The following XIRP2 variants were observed in gnomAD, a reference collection of about 807,000 sequenced individuals.
The protein encoded by XIRP2 is xin actin-binding repeat-containing protein 2.
In XIRP2, 236 loss-of-function variants were observed where a neutral mutation model predicts 277.0. The observed-to-expected ratio is 0.85, with a 90% CI of 0.77 to 0.95. The LOEUF (loss-of-function observed/expected upper bound fraction) is 0.95, where lower values mean the gene tolerates loss of function less well. XIRP2 is among the 40% of genes least tolerant of loss of function. The pLI is 0.00. For synonymous variants in XIRP2, 1,490 were observed against 1,416.5 expected (o/e 1.05, Z -1.17); for missense variants, 4,640 against 4,157.5 (o/e 1.12, Z -3.19).
intron 3 of XIRP2, among the ~76,000 whole-genome samples, chr2:167,177,384 T>G (rs1692877166): frequency 6.6e-6 from 1 of 152,340 alleles, no homozygotes; most frequent in African/African-American, 2.4e-5. Context: ...ATTTTAAGAA[T>G]GTTTTCTGTT....
chr2:166,904,214 G>A (rs1684460274), intron 2 of XIRP2, among the ~76,000 whole-genome samples: 1 of 152,090 alleles, frequency 6.6e-6, no homozygotes, highest in Non-Finnish European at 1.5e-5. Flanking sequence ...ACCACTCTTT[G>A]TGCCTCAAAC....
rs189214956 is a variant in XIRP2, at chr2:166,951,493, C to T, written c.408+47603C>T. On this transcript the variant is annotated intron_variant, in intron 2 of 10. Transcript: ENST00000409195. ...CAGAGGTTGCAGTGAGCTGAGATTGCGCTACTGCACAGCAAGGTGGGCAAC... is the reference window on the plus strand; with the variant it reads ...CAGAGGTTGCAGTGAGCTGAGATTGTGCTACTGCACAGCAAGGTGGGCAAC... 7.9e-5 allele frequency among the ~76,000 whole-genome samples: 12 copies of T among 151,518 alleles called. 1 individual carries two copies. In the South Asian group the frequency reaches 1.0e-3, roughly 13 times the overall value.
intron 2 of XIRP2, among the ~76,000 whole-genome samples, chr2:167,007,209 C>A (rs1687526325): frequency 6.6e-6 from 1 of 151,454 alleles, no homozygotes; most frequent in African/African-American, 2.4e-5. Flanking sequence ...CACACTTGAG[C>A]CTGGGTCATA....
rs148036149 is a variant in XIRP2 at position 166,951,301 on chromosome 2, T to A, written c.408+47411T>A. On this transcript the variant is annotated intron_variant, in intron 2 of 10. Coordinates refer to ENST00000409195, the MANE Select transcript of XIRP2 (RefSeq NM_152381.6). ...GGTTCTGCAGGCTGTACAGGAAGCA[T>A]GGCAGCATCAGCTTCTGGGGAGGCT... Among the ~76,000 whole-genome samples, 4 of 152,108 alleles carry A rather than the reference T, an allele frequency of 2.6e-5. No individual in the cohort carries two copies. In the East Asian group the frequency reaches 5.8e-4, roughly 22 times the overall value.
intron 2 of XIRP2, among the ~76,000 whole-genome samples, chr2:167,073,240 T>C (rs904681626): frequency 1.3e-5 from 2 of 152,126 alleles, no homozygotes; most frequent in Non-Finnish European, 2.9e-5. Flanking sequence ...GTTTTTTCTA[T>C]CCTATAATTT....
chr2:167,136,535 A>G (rs1235975188), intron 3 of XIRP2, among the ~76,000 whole-genome samples: 1 of 152,224 alleles, frequency 6.6e-6, no homozygotes, highest in Non-Finnish European at 1.5e-5. Context: ...ACAAAGTGAC[A>G]TAAGAGTGTT....
intron 2 of XIRP2, among the ~76,000 whole-genome samples, chr2:167,081,969 A>C (rs1327309056): frequency 2.7e-5 from 4 of 147,680 alleles, no homozygotes; most frequent in African/African-American, 9.9e-5. Flanking sequence ...ATTATACTTT[A>C]AGTTTTAGGG....
intron 2 of XIRP2, among the ~76,000 whole-genome samples, chr2:166,913,514 A>G (rs1250385936): frequency 6.6e-6 from 1 of 152,134 alleles, no homozygotes; most frequent in Non-Finnish European, 1.5e-5. Flanking sequence ...AGCTGTTCCT[A>G]TTCAGCCATC....
chr2:167,132,454 G>A (rs2105315111), intron 2 of XIRP2, among the ~76,000 whole-genome samples: 1 of 151,702 alleles, frequency 6.6e-6, no homozygotes, highest in Middle Eastern at 3.4e-3. Context: ...ATCCTGTTCT[G>A]GAGTTAGACT....
chr2:166,908,623 G>C (rs1230987855), intron 2 of XIRP2, among the ~76,000 whole-genome samples: 1 of 152,118 alleles, frequency 6.6e-6, no homozygotes, highest in Admixed American at 6.6e-5. Flanking sequence ...AGTTTAATTA[G>C]ATCCCATTTG....
intron 1 of XIRP2, among the ~76,000 whole-genome samples, chr2:166,900,189 T>G (rs1294150989): frequency 6.6e-6 from 1 of 152,084 alleles, no homozygotes; most frequent in Non-Finnish European, 1.5e-5. Context: ...ATTCTATGTT[T>G]TGTTCAGATT....
chr2:167,087,601 G>A (rs1261743133), intron 2 of XIRP2, among the ~76,000 whole-genome samples: 1 of 152,186 alleles, frequency 6.6e-6, no homozygotes, highest in Admixed American at 6.5e-5. Flanking sequence ...GAGACTCCAT[G>A]GGCGTAGGAC....
chr2:167,154,363 G>C (rs1333291693), intron 3 of XIRP2, among the ~76,000 whole-genome samples: 1 of 151,396 alleles, frequency 6.6e-6, no homozygotes, highest in Non-Finnish European at 1.5e-5. Flanking sequence ...TAGGTTGCCT[G>C]TTCACTCTGA....
At chr2:167,082,622 T>C (rs1325542122) in intron 2 of XIRP2, among the ~76,000 whole-genome samples, 2 of 152,244 alleles carry the variant, frequency 1.3e-5, no homozygotes, top group African/African-American at 4.8e-5. Context: ...TTCCTGACTT[T>C]TTAATGATTG....
chr2:167,228,737 T>A (rs1302654743), intron 5 of XIRP2, among the ~76,000 whole-genome samples: 4 of 152,094 alleles, frequency 2.6e-5, no homozygotes, highest in Non-Finnish European at 5.9e-5. Context: ...AAATCATCAT[T>A]GGTTTCTTTT....
intron 2 of XIRP2, among the ~76,000 whole-genome samples, chr2:167,095,071 T>G (rs937106748): frequency 6.6e-6 from 1 of 152,176 alleles, no homozygotes; most frequent in Admixed American, 6.5e-5. Context: ...TTATTCTCTT[T>G]GTAGCAATTG....
chr2:166,939,633 T>A (rs1156471691), intron 2 of XIRP2, among the ~76,000 whole-genome samples: 1 of 126,312 alleles, frequency 7.9e-6, no homozygotes, highest in African/African-American at 3.2e-5. Context: ...TGAGCCGAGA[T>A]CACGCCACTG....
chr2:167,194,800 T>A (rs1452754083), intron 3 of XIRP2, among the ~76,000 whole-genome samples: 1 of 152,176 alleles, frequency 6.6e-6, no homozygotes, highest in African/African-American at 2.4e-5. Context: ...ACTAGTAGTA[T>A]CTATCTCATA....
At chr2:167,173,604 A>G (rs1182930829) in intron 3 of XIRP2, among the ~76,000 whole-genome samples, 1 of 152,242 alleles carries the variant, frequency 6.6e-6, no homozygotes, top group East Asian at 1.9e-4. Flanking sequence ...GAGTGCAGAT[A>G]TCTCTTCAAT....
Sources: allele counts gnomAD v4.1 joint callset (sites outside exome capture counted in the v4.1 genomes callset), GRCh38; gene constraint gnomAD v4.1.1; transcripts MANE v1.5; gene names NCBI Gene and HGNC (gene_info 2026-07-23, HGNC 2026-07-21).